COL21A1: variants seen among roughly 807,000 people sequenced by gnomAD.
COL21A1 encodes the protein collagen alpha-1(XXI) chain.
COL21A1 carries 149 observed loss-of-function variants against 137.9 expected under a neutral mutation model. The observed-to-expected ratio is 1.08, with a 90% CI of 0.95 to 1.24. The LOEUF (loss-of-function observed/expected upper bound fraction) is 1.24, where lower values mean the gene tolerates loss of function less well. Among genes scored for constraint, COL21A1 ranks in the 50% most tolerant of loss-of-function variants. The pLI, the probability that COL21A1 is intolerant of heterozygous loss-of-function variation, is 0.00. For synonymous variants in COL21A1, 456 were observed against 391.5 expected, an observed-to-expected ratio of 1.16 and a Z score of -1.95; for missense variants, 1,167 against 1,158.4, an observed-to-expected ratio of 1.01 and a Z score of -0.11.
chr6:56,164,832 AAAC>A lies in COL21A1; in HGVS notation c.1279-13_1279-11del, dbSNP rs1348692002. On this transcript the variant is annotated splice_polypyrimidine_tract_variant and intron_variant, in intron 7 of 29. Coordinates refer to ENST00000244728, the MANE Select transcript of COL21A1 (RefSeq NM_030820.4). Reference sequence around the variant, plus strand: ...AGCCTACCTCTCCATTCTGAAAGAAAAACAACAAATGTGTTTTAAAATGTTTTA... The same window carrying A: ...AGCCTACCTCTCCATTCTGAAAGAAAAACAAATGTGTTTTAAAATGTTTTA... The A allele has an allele frequency of 6.5e-7, 1 of 1,549,752 alleles. No homozygotes were observed. Among genetic ancestry groups the A allele is most frequent in the Non-Finnish European group, 8.8e-7 (1 of 1,140,646 alleles).
At chr6:56,061,443 A>G (rs900209993) in intron 25 of COL21A1, among the ~76,000 whole-genome samples, 4 of 152,188 alleles carry the variant, frequency 2.6e-5, no homozygotes, top group African/African-American at 7.2e-5. Flanking sequence ...AGAAAAACCA[A>G]TAATATTGAC....
chr6:56,074,442 A>C (rs1322903365), intron 19 of COL21A1, among the ~76,000 whole-genome samples, 157 bp from the exon 20 acceptor site: 1 of 151,598 alleles, frequency 6.6e-6, no homozygotes, highest in Non-Finnish European at 1.5e-5. Flanking sequence ...TCCACCATAC[A>C]TCCATAGAGG....
At chr6:56,152,544 C>T (rs1024647604) in intron 10 of COL21A1, among the ~76,000 whole-genome samples, 2 of 152,140 alleles carry the variant, frequency 1.3e-5, no homozygotes, top group African/African-American at 4.8e-5. Flanking sequence ...GACACCAAAA[C>T]ACATACATGT....
intron 16 of COL21A1, among the ~76,000 whole-genome samples, chr6:56,114,122 G>T (rs1207276303): frequency 6.6e-6 from 1 of 152,206 alleles, no homozygotes; most frequent in Non-Finnish European, 1.5e-5. Context: ...GGACCCATTT[G>T]GGGGTTGGTG....
intron 17 of COL21A1, among the ~76,000 whole-genome samples, chr6:56,078,689 C>A (rs1767456462): frequency 6.6e-6 from 1 of 151,656 alleles, no homozygotes; most frequent in African/African-American, 2.4e-5. Context: ...GACATAAACA[C>A]ATAGTTCTAG....
chr6:56,337,234 G>A (rs888983171), intron 1 of COL21A1, among the ~76,000 whole-genome samples: 4 of 152,150 alleles, frequency 2.6e-5, no homozygotes, highest in Non-Finnish European at 4.4e-5. Flanking sequence ...ATGGGTATCT[G>A]AAGGGCTCCA....
intron 1 of COL21A1, among the ~76,000 whole-genome samples, chr6:56,210,176 A>G (rs571014385): frequency 6.6e-6 from 1 of 152,258 alleles, no homozygotes; most frequent in East Asian, 1.9e-4. Context: ...TGATGGGTGC[A>G]GCAAACCACC....
chr6:56,088,957 T>C (rs1768528596), intron 17 of COL21A1, among the ~76,000 whole-genome samples: 1 of 152,084 alleles, frequency 6.6e-6, no homozygotes, highest in Non-Finnish European at 1.5e-5. Flanking sequence ...GCTAATTTTT[T>C]GTATGTTTTG....
intron 10 of COL21A1, among the ~76,000 whole-genome samples, chr6:56,146,064 A>C (rs1011974749): frequency 1.3e-5 from 2 of 152,158 alleles, no homozygotes; most frequent in East Asian, 1.9e-4. Context: ...ATCATGTCAT[A>C]AAATATTCTG....
intron 1 of COL21A1, among the ~76,000 whole-genome samples, chr6:56,243,361 G>A (rs1481723416): frequency 1.3e-5 from 2 of 151,978 alleles, no homozygotes; most frequent in Non-Finnish European, 1.5e-5. Flanking sequence ...GTATCAACTG[G>A]GACCTTACAA....
intron 1 of COL21A1, among the ~76,000 whole-genome samples, chr6:56,349,208 A>C (rs959490281): frequency 4.6e-5 from 7 of 152,210 alleles, no homozygotes; most frequent in African/African-American, 1.7e-4. Flanking sequence ...TGAGACGGGA[A>C]ATTTATGGTT....
chr6:56,164,615 AC>A (rs1776436200), intron 8 of COL21A1, 109 bp from the exon 9 acceptor site: 12 of 930,976 alleles, frequency 1.3e-5, no homozygotes, highest in Admixed American at 2.6e-5. Context: ...AAAATATCTT[AC>A]ATTCACTTTC....
At chr6:56,086,251 C>T (rs906805264) in intron 17 of COL21A1, among the ~76,000 whole-genome samples, 1 of 151,870 alleles carries the variant, frequency 6.6e-6, no homozygotes, top group Non-Finnish European at 1.5e-5. Flanking sequence ...GGAGTTTTAA[C>T]CCACCACACG....
chr6:56,386,812 C>G (rs547669162), intron 1 of COL21A1, among the ~76,000 whole-genome samples: 3 of 152,062 alleles, frequency 2.0e-5, no homozygotes, highest in Non-Finnish European at 4.4e-5. Flanking sequence ...ATCTGATGAC[C>G]TCATGAACAA....
chr6:56,115,309 A>T (rs1417711673), intron 16 of COL21A1, among the ~76,000 whole-genome samples: 1 of 152,134 alleles, frequency 6.6e-6, no homozygotes, highest in Non-Finnish European at 1.5e-5. Flanking sequence ...AAGAAAAAAA[A>T]AAAAAAGAAC....
At chr6:56,180,269 C>T (rs1777797397) in intron 2 of COL21A1, 140 bp from the exon 3 acceptor site, 2 of 722,578 alleles carry the variant, frequency 2.8e-6, no homozygotes, top group Non-Finnish European at 4.3e-6. Flanking sequence ...TAGCTTAATG[C>T]TAACGTGAAA....
chr6:56,323,544 T>A (rs1163981952), intron 1 of COL21A1, among the ~76,000 whole-genome samples: 1 of 152,030 alleles, frequency 6.6e-6, no homozygotes, highest in East Asian at 1.9e-4. Flanking sequence ...TGCACACCAC[T>A]GTGCCCAGAT....
At chr6:56,168,591 C>T (rs1776780673) in intron 5 of COL21A1, among the ~76,000 whole-genome samples, 1 of 152,016 alleles carries the variant, frequency 6.6e-6, no homozygotes, top group African/African-American at 2.4e-5. Flanking sequence ...ATCCAAATGG[C>T]TTCCCTCCTT....
In COL21A1 at chr6:56,064,641, CATT is replaced by C; in HGVS notation, c.2128-22_2128-20del. 1 of 1,533,280 alleles carries C rather than the reference CATT, an allele frequency of 6.5e-7. No individual in the cohort carries two copies. The highest frequency in any genetic ancestry group is 1.2e-5 in the South Asian group (1 of 83,796). 95.0% of individuals were successfully genotyped at this position (1,533,280 alleles called of 1,614,324 possible). The stretch of plus-strand genomic sequence containing the variant: ...TTTGACCCTTTAAAATAAAAAAAAA[CATT>C]ATTGATTAGTTTGCACACTTACGAT... On this transcript the variant is annotated intron_variant, in intron 23 of 29. Coordinates refer to ENST00000244728, the MANE Select transcript of COL21A1 (RefSeq NM_030820.4).
Sources: gnomAD v4.1 joint callset for allele counts (sites outside exome capture counted in the v4.1 genomes callset) on GRCh38, gnomAD v4.1.1 for gene constraint, MANE v1.5 for transcripts, NCBI Gene and HGNC (gene_info 2026-07-23, HGNC 2026-07-21) for gene names.